Variants in FAT3 observed in about 807,000 individuals in gnomAD.
FAT3 encodes protocadherin Fat 3.
A neutral mutation model predicts 310.2 loss-of-function variants in FAT3; 95 were observed. The observed-to-expected ratio is 0.31, with a 90% CI of 0.26 to 0.36. The LOEUF (loss-of-function observed/expected upper bound fraction) is 0.36. Ranked by LOEUF, FAT3 falls within the 10% of genes least tolerant of loss-of-function variation. The pLI, the probability that FAT3 is intolerant of heterozygous loss-of-function variation, is 1.00. For missense variants in FAT3, 5,408 were observed against 5,715.6 expected, an observed-to-expected ratio of 0.95 and a Z score of 1.74; for synonymous variants, 2,314 against 2,192.9, an observed-to-expected ratio of 1.06 and a Z score of -1.54.
rs141827174 is a variant in FAT3 at position 92,855,290 on chromosome 11, T to G, written c.11366-1924T>G. 2.1e-4 allele frequency among the ~76,000 whole-genome samples: 32 copies of G among 152,330 alleles called. No homozygotes were observed. The East Asian group carries it at 6.2e-3, about 29-fold the overall frequency. On this transcript the variant is annotated intron_variant, in intron 19 of 27. Transcript: ENST00000525166. ...GCTCGTTCCTTTGTTACTTAAAGGA[T>G]CTCACCCTTCATGCCTGAGTTAAAA...
intron 3 of FAT3, among the ~76,000 whole-genome samples, chr11:92,552,108 A>G (rs1359975522): frequency 6.6e-6 from 1 of 152,212 alleles, no homozygotes; most frequent in African/African-American, 2.4e-5. Flanking sequence ...TTCAGCATCT[A>G]AAAAATTGCT....
At chr11:92,402,888 G>A (rs976458698) in intron 2 of FAT3, among the ~76,000 whole-genome samples, 1 of 150,100 alleles carries the variant, frequency 6.7e-6, no homozygotes, top group African/African-American at 2.4e-5. Flanking sequence ...AGCTAGACAT[G>A]TCATATTTAA....
At chr11:92,340,480 A>G (rs899183730) in intron 1 of FAT3, among the ~76,000 whole-genome samples, 1 of 152,196 alleles carries the variant, frequency 6.6e-6, no homozygotes, top group Non-Finnish European at 1.5e-5. Context: ...GTTCATATGC[A>G]TTCATGTTCT....
intron 2 of FAT3, among the ~76,000 whole-genome samples, chr11:92,373,621 T>A (rs1351406392): frequency 6.6e-6 from 1 of 152,130 alleles, no homozygotes; most frequent in Admixed American, 6.6e-5. Flanking sequence ...TATACTGTTA[T>A]AATGAACGCG....
chr11:92,723,239 T>C (rs920245320), intron 4 of FAT3, among the ~76,000 whole-genome samples: 2 of 152,132 alleles, frequency 1.3e-5, no homozygotes, highest in African/African-American at 4.8e-5. Flanking sequence ...CCCTAAATCA[T>C]CTCTCTCAAG....
chr11:92,837,825 C>A lies in FAT3; in HGVS notation c.10368+19C>A, dbSNP rs1948444950. Reference sequence around the variant, plus strand: ...GATTCAGGTGAGAAAATCTTGCCTGCCAAGCACTTGTCCCTTTGCATTCAG... The same window carrying A: ...GATTCAGGTGAGAAAATCTTGCCTGACAAGCACTTGTCCCTTTGCATTCAG... On this transcript the variant is annotated intron_variant, in intron 17 of 27. Transcript: ENST00000525166. 1 of 1,613,676 alleles carries A rather than the reference C, an allele frequency of 6.2e-7. No individual in the cohort carries two copies. The highest frequency in any genetic ancestry group is 8.5e-7 in the Non-Finnish European group (1 of 1,179,812).
At chr11:92,518,138 A>C (rs944940190) in intron 2 of FAT3, among the ~76,000 whole-genome samples, 1 of 152,110 alleles carries the variant, frequency 6.6e-6, no homozygotes, top group African/African-American at 2.4e-5. Context: ...AGACATATAC[A>C]TTTTACCCAG....
chr11:92,499,735 G>GTGTA (rs1555067174), intron 2 of FAT3, among the ~76,000 whole-genome samples: 6 of 150,838 alleles, frequency 4.0e-5, no homozygotes, highest in East Asian at 2.0e-4. Context: ...GTGTGTGTGT[G>GTGTA]TGTGTGTGTG....
chr11:92,753,789 T>C (rs1318270228), intron 4 of FAT3, among the ~76,000 whole-genome samples: 1 of 143,592 alleles, frequency 7.0e-6, no homozygotes, highest in East Asian at 2.0e-4. Context: ...TGTGTGTGTG[T>C]GTGTGTGTGT....
At chr11:92,362,627 GTT>G (rs1591172648) in intron 2 of FAT3, among the ~76,000 whole-genome samples, 2 of 152,062 alleles carry the variant, frequency 1.3e-5, no homozygotes, top group African/African-American at 4.8e-5. Context: ...CACTATTTTT[GTT>G]TTGTTTTGTT....
chr11:92,358,724 T>C (rs1000312214), intron 2 of FAT3, among the ~76,000 whole-genome samples: 2 of 152,204 alleles, frequency 1.3e-5, no homozygotes, highest in East Asian at 1.9e-4. Context: ...GGCAATTGTA[T>C]GTTCAATAAG....
intron 10 of FAT3, among the ~76,000 whole-genome samples, chr11:92,803,204 T>C (rs1465534350): frequency 6.6e-6 from 1 of 152,160 alleles, no homozygotes; most frequent in African/African-American, 2.4e-5. Context: ...GCCTTAATTA[T>C]TTATAGATAG....
intron 13 of FAT3, among the ~76,000 whole-genome samples, chr11:92,827,188 G>A (rs962983317): frequency 2.0e-5 from 3 of 152,156 alleles, no homozygotes; most frequent in African/African-American, 7.2e-5. Context: ...TGAATTCTGA[G>A]CATTTAACCG....
intron 3 of FAT3, among the ~76,000 whole-genome samples, chr11:92,584,444 T>G (rs1939020736): frequency 1.3e-5 from 2 of 151,736 alleles, no homozygotes; most frequent in African/African-American, 4.9e-5. Flanking sequence ...ATTCTGCTCC[T>G]GAAAGGTTAA....
chr11:92,629,148 CAT>C (rs1941452491), intron 3 of FAT3, among the ~76,000 whole-genome samples: 2 of 152,328 alleles, frequency 1.3e-5, no homozygotes, highest in South Asian at 2.1e-4. Flanking sequence ...CCAACTAACT[CAT>C]AGTATACACT....
intron 2 of FAT3, among the ~76,000 whole-genome samples, chr11:92,467,595 T>C (rs1276328190): frequency 6.6e-6 from 1 of 152,140 alleles, no homozygotes; most frequent in African/African-American, 2.4e-5. Context: ...CCAGGGCTTA[T>C]TACTCACAAT....
chr11:92,689,697 A>T (rs1451471603), intron 3 of FAT3, among the ~76,000 whole-genome samples: 1 of 152,180 alleles, frequency 6.6e-6, no homozygotes, highest in Non-Finnish European at 1.5e-5. Flanking sequence ...TGGTAAAATT[A>T]GGCATGTACA....
At chr11:92,728,375 A>G (rs997760209) in intron 4 of FAT3, among the ~76,000 whole-genome samples, 1 of 152,202 alleles carries the variant, frequency 6.6e-6, no homozygotes, top group Admixed American at 6.5e-5. Flanking sequence ...TCTAAACAAT[A>G]TGTAAATAGC....
chr11:92,785,625 C>T (rs997208500), intron 7 of FAT3, among the ~76,000 whole-genome samples: 1 of 151,842 alleles, frequency 6.6e-6, no homozygotes, highest in African/African-American at 2.4e-5. Context: ...TAGGGTAGTA[C>T]ATATATAAAC....
Sources: gnomAD v4.1 joint callset for allele counts (sites outside exome capture counted in the v4.1 genomes callset) on GRCh38, gnomAD v4.1.1 for gene constraint, MANE v1.5 for transcripts, NCBI Gene and HGNC (gene_info 2026-07-23, HGNC 2026-07-21) for gene names.